SLC7A7: variants seen among roughly 807,000 people sequenced by gnomAD.
The protein encoded by SLC7A7 is solute carrier family 7 member 7.
SLC7A7 carries 39 observed loss-of-function variants against 47.9 expected under a neutral mutation model. The ratio of observed to expected loss-of-function variants is 0.81; its 90% CI spans 0.63 to 1.06. SLC7A7 has a LOEUF of 1.06. Ranked by LOEUF, SLC7A7 falls within the 50% of genes least tolerant of loss-of-function variation. SLC7A7 has a pLI of 0.00. For synonymous variants in SLC7A7, 234 were observed against 242.8 expected (o/e 0.96, Z 0.34); for missense variants, 588 against 632.0 (o/e 0.93, Z 0.75).
intron 2 of SLC7A7, among the ~76,000 whole-genome samples, chr14:22,799,448 CTTTTTTTTTTT>C (rs56375225): frequency 1.2e-4 from 9 of 76,184 alleles, no homozygotes; most frequent in Non-Finnish European, 1.8e-4. Context: ...TTTTTTCTTT[CTTTTTTTTTTT>C]TTTTTTTTTT....
Position 22,815,350 on chromosome 14 carries a change from C to T in SLC7A7, c.-73G>A, listed in dbSNP as rs886050407. 8.6e-5 allele frequency: 39 copies of T among 454,374 alleles called. No individual in the cohort carries two copies. The highest frequency in any genetic ancestry group is 1.3e-4 in the Non-Finnish European group (30 of 226,772). The allele number at this position is 454,374 out of a possible 1,614,324, so 28.1% of individuals were successfully genotyped here. ...GGTCCTGGATATAAGCAGGTTCTCA[C>T]GGCAGTGTGAGCAGCAGTCAGGGAG... On this transcript the variant is annotated 5_prime_UTR_variant, in exon 1 of 10. In the 5' UTR this introduces an upstream ATG that the reference lacks. Transcript: ENST00000674313.
intron 2 of SLC7A7, among the ~76,000 whole-genome samples, chr14:22,782,768 G>GTT (rs34772384): frequency 1.2e-4 from 17 of 145,318 alleles, no homozygotes; most frequent in African/African-American, 3.3e-4. Context: ...GTCCCTTTTT[G>GTT]TTTTTTTTTT....
At chr14:22,777,902 A>G (rs1035771657) in intron 4 of SLC7A7, among the ~76,000 whole-genome samples, 2 of 152,046 alleles carry the variant, frequency 1.3e-5, no homozygotes, top group African/African-American at 4.8e-5. Flanking sequence ...GGTGAAACCC[A>G]TGTCTCTACT....
chr14:22,813,882 C>T (rs1450956234), intron 1 of SLC7A7, among the ~76,000 whole-genome samples: 1 of 151,312 alleles, frequency 6.6e-6, no homozygotes. Flanking sequence ...CCTCCGCCTC[C>T]CGGGTTCAAG....
intron 2 of SLC7A7, among the ~76,000 whole-genome samples, chr14:22,784,772 G>C (rs1357029127): frequency 6.6e-6 from 1 of 152,158 alleles, no homozygotes; most frequent in Non-Finnish European, 1.5e-5. Context: ...GAAAGCACCA[G>C]ACCAGGTGGA....
intron 2 of SLC7A7, among the ~76,000 whole-genome samples, chr14:22,808,229 T>G (rs2039245832): frequency 6.6e-6 from 1 of 152,194 alleles, no homozygotes; most frequent in South Asian, 2.1e-4. Context: ...CAAATTATAT[T>G]GCATGACAAT....
rs770321396 is a variant in SLC7A7, at chr14:22,813,066, A to C, written c.333T>G (p.Phe111Leu). ...GTCTGATGAAAGCAAGGAATCCTCC[A>C]AAGGCCTCCAGGATATAGGCATAGC... ...GASYAYILEAFGGFLAFIRLW... is the reference protein window; with the variant it reads ...GASYAYILEALGGFLAFIRLW... The change falls in exon 2 of 10, where the codon TTT becomes TTG. Residue 111 changes from phenylalanine to leucine, a missense_variant. Phe to Leu is a conservative substitution (Grantham distance 22, BLOSUM62 0). Transcript: ENST00000674313. 1.9e-6 allele frequency: 3 copies of C among 1,614,184 alleles called. No individual in the cohort carries two copies. The East Asian group carries it at 6.7e-5, about 36-fold the overall frequency.
chr14:22,805,715 A>T (rs1230291886), intron 2 of SLC7A7, among the ~76,000 whole-genome samples: 2 of 152,238 alleles, frequency 1.3e-5, no homozygotes, highest in Non-Finnish European at 2.9e-5. Context: ...CAATCATGGC[A>T]CATGTTTACC....
chr14:22,808,205 C>T (rs550664278), intron 2 of SLC7A7, among the ~76,000 whole-genome samples: 1 of 151,676 alleles, frequency 6.6e-6, no homozygotes, highest in Admixed American at 6.6e-5. Flanking sequence ...TCTTATGGTG[C>T]CTCTATCAGT....
At chr14:22,794,967 G>A (rs1028701307) in intron 2 of SLC7A7, among the ~76,000 whole-genome samples, 6 of 151,922 alleles carry the variant, frequency 3.9e-5, no homozygotes, top group Admixed American at 2.0e-4. Flanking sequence ...CAATTTTTCT[G>A]CTTCCTTAAT....
intron 2 of SLC7A7, among the ~76,000 whole-genome samples, chr14:22,809,130 T>C (rs1356248648): frequency 6.6e-6 from 1 of 152,240 alleles, no homozygotes; most frequent in Non-Finnish European, 1.5e-5. Context: ...ACTGAAGAGC[T>C]CTGCATACGA....
At chr14:22,789,884 C>G (rs1301724832) in intron 2 of SLC7A7, among the ~76,000 whole-genome samples, 1 of 152,092 alleles carries the variant, frequency 6.6e-6, no homozygotes, top group African/African-American at 2.4e-5. Context: ...GATGGATCCT[C>G]TCCTTAAGCC....
chr14:22,808,358 C>A (rs2039247627), intron 2 of SLC7A7, among the ~76,000 whole-genome samples: 1 of 152,102 alleles, frequency 6.6e-6, no homozygotes, highest in South Asian at 2.1e-4. Context: ...CATAGCATGC[C>A]CTAATTAAAT....
chr14:22,817,292 G>A, upstream of SLC7A7: 1 of 258,706 alleles, frequency 3.9e-6, no homozygotes, highest in Admixed American at 5.2e-5. Flanking sequence ...ATTACACCTG[G>A]CTAATTTTTG....
At position 22,781,318 on chromosome 14, in the gene SLC7A7, A is replaced by G. The variant is rs189553925; in HGVS notation, c.500-1267T>C. On this transcript the variant is annotated intron_variant, in intron 2 of 9. Transcript: ENST00000674313. ...TTTTGTGGTGTCCTGGCCTCACCAC[A>G]TTCTGGCTACTTCATCCTGAGAAGC... Among the ~76,000 whole-genome samples the G allele has an allele frequency of 8.5e-4, 130 of 152,230 alleles. 1 individual carries two copies. The highest frequency in any genetic ancestry group is 1.3e-3 in the Non-Finnish European group (88 of 68,006).
intron 2 of SLC7A7, among the ~76,000 whole-genome samples, chr14:22,799,923 C>T (rs1169960962): frequency 6.6e-6 from 1 of 152,186 alleles, no homozygotes; most frequent in African/African-American, 2.4e-5. Flanking sequence ...TCTCCCAAAC[C>T]TACTGCACCT....
In SLC7A7 at chr14:22,813,105, C is replaced by CT. The variant is rs2039344714; in HGVS notation, c.293dup (p.Lys99GlufsTer30). ...TATAGGCATAGCTGGCCCCAGATTT[C>CT]TTAATGGTGGTGCCCAGTTCCGCAT... On this transcript the variant is annotated frameshift_variant, in exon 2 of 10. Transcript: ENST00000674313. LOFTEE classifies it high-confidence loss of function. The CT allele has an allele frequency of 6.2e-7, 1 of 1,614,032 alleles. No individual in the cohort carries two copies. Among genetic ancestry groups the CT allele is most frequent in the Non-Finnish European group, 8.5e-7 (1 of 1,180,036 alleles).
upstream of SLC7A7, among the ~76,000 whole-genome samples, chr14:22,817,475 G>A (rs563061667): frequency 6.6e-6 from 1 of 152,192 alleles, no homozygotes; most frequent in Non-Finnish European, 1.5e-5. Context: ...GAGTAGCTGG[G>A]ATTACAGGTG....
At chr14:22,800,583 G>A (rs1033068282) in intron 2 of SLC7A7, among the ~76,000 whole-genome samples, 3 of 152,172 alleles carry the variant, frequency 2.0e-5, no homozygotes, top group Non-Finnish European at 2.9e-5. Context: ...GAGTCACCAC[G>A]CTGTGAGAAA....
Sources: gnomAD v4.1 joint callset for allele counts (sites outside exome capture counted in the v4.1 genomes callset) on GRCh38, gnomAD v4.1.1 for gene constraint, MANE v1.5 for transcripts, NCBI Gene and HGNC (gene_info 2026-07-23, HGNC 2026-07-21) for gene names.